The following SCAPER variants were observed in gnomAD, a reference collection of about 807,000 sequenced individuals.
The protein encoded by SCAPER is S phase cyclin A-associated protein in the endoplasmic reticulum.
In SCAPER, 98 loss-of-function variants were observed where a neutral mutation model predicts 182.2. The ratio of observed to expected loss-of-function variants is 0.54; its 90% CI spans 0.46 to 0.64. The LOEUF (loss-of-function observed/expected upper bound fraction) is 0.64, where lower values mean the gene tolerates loss of function less well. Among genes scored for constraint, SCAPER ranks in the 30% least tolerant of loss-of-function variants. The pLI is 0.00. For missense variants in SCAPER, 1,432 were observed against 1,690.0 expected, an observed-to-expected ratio of 0.85 and a Z score of 2.68; for synonymous variants, 605 against 564.6, an observed-to-expected ratio of 1.07 and a Z score of -1.01.
At chr15:76,745,277 TAAAAAATA>T (rs1395374393) in intron 15 of SCAPER, among the ~76,000 whole-genome samples, 4 of 151,804 alleles carry the variant, frequency 2.6e-5, no homozygotes, top group African/African-American at 4.8e-5. Context: ...TCGTCTCTAC[TAAAAAATA>T]AAAAAATAAA....
At chr15:76,769,601 C>A (rs1368289047) in intron 10 of SCAPER, among the ~76,000 whole-genome samples, 1 of 152,094 alleles carries the variant, frequency 6.6e-6, no homozygotes, top group African/African-American at 2.4e-5. Flanking sequence ...AAATGCAAAT[C>A]AAAACCACAT....
chr15:76,781,245 C>A (rs996521017), intron 8 of SCAPER, among the ~76,000 whole-genome samples: 1 of 152,050 alleles, frequency 6.6e-6, no homozygotes, highest in African/African-American at 2.4e-5. Flanking sequence ...GATGCATGCA[C>A]AAGCTTCAAT....
intron 29 of SCAPER, among the ~76,000 whole-genome samples, chr15:76,362,415 C>CTT (rs539666470): frequency 3.5e-5 from 5 of 143,496 alleles, no homozygotes; most frequent in East Asian, 2.0e-4. Flanking sequence ...CTTGCTCCCT[C>CTT]TTTTTTTTTT....
intron 24 of SCAPER, among the ~76,000 whole-genome samples, chr15:76,496,559 A>G: frequency 6.6e-6 from 1 of 152,136 alleles, no homozygotes. Context: ...GTTCTTTTTA[A>G]GTGTGTTTAC....
chr15:76,557,980 C>T (rs1042240105), intron 23 of SCAPER, among the ~76,000 whole-genome samples: 1 of 151,984 alleles, frequency 6.6e-6, no homozygotes, highest in Non-Finnish European at 1.5e-5. Flanking sequence ...CTTTCTTACA[C>T]CATATAAAAA....
chr15:76,723,208 GGTT>G (rs2060368096), intron 17 of SCAPER, among the ~76,000 whole-genome samples: 1 of 152,068 alleles, frequency 6.6e-6, no homozygotes, highest in African/African-American at 2.4e-5. Context: ...TTCAGGAGCC[GGTT>G]GTTCAGTTTC....
In SCAPER at chr15:76,621,768, C is replaced by T. The variant is rs2146102355; in HGVS notation, c.2707G>A (p.Ala903Thr). The T allele has an allele frequency of 1.2e-6, 2 of 1,605,654 alleles. No homozygotes were observed. Among genetic ancestry groups the T allele is most frequent in the South Asian group, 1.1e-5 (1 of 89,162 alleles). ...ACTAAAATGTGGAATACTCACTTTGCTTTATAAGGTGAATCAGAGCCAGAA... is the reference window on the plus strand; with the variant it reads ...ACTAAAATGTGGAATACTCACTTTGTTTTATAAGGTGAATCAGAGCCAGAA... The part of the protein sequence containing the change: ...KNSGSDSPYK[A>T]KLQRLAKDLL... Residue 903 changes from alanine to threonine, a missense_variant, in exon 22 of 32, where the codon GCA becomes ACA. Coordinates refer to ENST00000563290, the MANE Select transcript of SCAPER (RefSeq NM_020843.4).
intron 1 of SCAPER, among the ~76,000 whole-genome samples, chr15:76,896,463 C>T (rs920410259): frequency 6.6e-6 from 1 of 152,076 alleles, no homozygotes; most frequent in Non-Finnish European, 1.5e-5. Context: ...AAACTGATGA[C>T]AAACTGAAAA....
chr15:76,370,310 T>TGTTTTG (rs1555414223), intron 29 of SCAPER, among the ~76,000 whole-genome samples: 1 of 137,274 alleles, frequency 7.3e-6, no homozygotes, highest in Admixed American at 7.5e-5. Context: ...TTTTTTTTTT[T>TGTTTTG]TTTTTTGTTT....
chr15:76,371,508 C>A (rs563227712), intron 29 of SCAPER, among the ~76,000 whole-genome samples: 4 of 151,658 alleles, frequency 2.6e-5, no homozygotes, highest in Non-Finnish European at 5.9e-5. Context: ...GTAGTAGAGA[C>A]GGGGTTTCAC....
At chr15:76,754,075 C>T (rs2062260234) in intron 14 of SCAPER, 127 bp from the exon 15 acceptor site, 1 of 976,468 alleles carries the variant, frequency 1.0e-6, no homozygotes, top group African/African-American at 1.6e-5. Context: ...ACATGACTAA[C>T]AATTAAGGAC....
chr15:76,507,718 TA>T (rs2041710489), intron 23 of SCAPER, among the ~76,000 whole-genome samples: 2 of 152,204 alleles, frequency 1.3e-5, no homozygotes, highest in South Asian at 4.1e-4. Flanking sequence ...ATTTTGTGAC[TA>T]TAAGTTCATT....
chr15:76,846,765 T>A (rs1327992079), intron 4 of SCAPER, among the ~76,000 whole-genome samples: 1 of 152,082 alleles, frequency 6.6e-6, no homozygotes, highest in African/African-American at 2.4e-5. Flanking sequence ...GAATGTAAAT[T>A]AGTATAACCA....
rs999302033 is a variant in SCAPER at position 76,733,043 on chromosome 15, G to A, written c.2022+186C>T. On this transcript the variant is annotated intron_variant, in intron 16 of 31. Transcript: ENST00000563290. ...CAGCCTGGCATTCAGGGCCACTACCGGTCTCCACGTCTTGGTGGTAGTGGT... is the reference window on the plus strand; with the variant it reads ...CAGCCTGGCATTCAGGGCCACTACCAGTCTCCACGTCTTGGTGGTAGTGGT... Among the ~76,000 whole-genome samples the A allele has an allele frequency of 3.8e-4, 58 of 152,180 alleles. 1 individual carries two copies. The highest frequency in any genetic ancestry group is 1.3e-3 in the African/African-American group (52 of 41,536).
chr15:76,350,300 T>C (rs555122897), intron 31 of SCAPER: 43 of 152,214 alleles, frequency 2.8e-4, no homozygotes, highest in African/African-American at 1.0e-3. Context: ...CTTTTCATGA[T>C]ATTGTAATAG....
At chr15:76,788,839 T>C (rs2064804929) in intron 8 of SCAPER, among the ~76,000 whole-genome samples, 2 of 152,134 alleles carry the variant, frequency 1.3e-5, no homozygotes, top group South Asian at 4.1e-4. Context: ...TTTGTCCCTC[T>C]CTATTTTTAT....
chr15:76,669,962 TA>T (rs893115921), intron 20 of SCAPER, among the ~76,000 whole-genome samples: 2 of 152,152 alleles, frequency 1.3e-5, no homozygotes, highest in African/African-American at 4.8e-5. Flanking sequence ...ATGCAGTCAC[TA>T]AACAAAAAAA....
intron 26 of SCAPER, among the ~76,000 whole-genome samples, chr15:76,433,385 G>A (rs2046989168): frequency 6.6e-6 from 1 of 152,176 alleles, no homozygotes; most frequent in South Asian, 2.1e-4. Context: ...GCATGTGCCT[G>A]TAATCCCAGC....
rs907699930 is a variant in SCAPER at position 76,714,335 on chromosome 15, GA to G, written c.2166-8352del. On this transcript the variant is annotated intron_variant, in intron 17 of 31. Coordinates refer to ENST00000563290, the MANE Select transcript of SCAPER (RefSeq NM_020843.4). The stretch of plus-strand genomic sequence containing the variant: ...CTCAGTTATACCACAATAAAGTTGT[GA>G]AAAAAAATTTAACTGTTAATTTCAA... Among the ~76,000 whole-genome samples the G allele has an allele frequency of 8.5e-5, 13 of 152,056 alleles. No individual in the cohort carries two copies. In the East Asian group the frequency reaches 9.6e-4, roughly 11 times the overall value.
Sources: allele counts gnomAD v4.1 joint callset (sites outside exome capture counted in the v4.1 genomes callset), GRCh38; gene constraint gnomAD v4.1.1; transcripts MANE v1.5; gene names NCBI Gene and HGNC (gene_info 2026-07-23, HGNC 2026-07-21).